DLG1: variants seen among roughly 807,000 people sequenced by gnomAD.
The protein encoded by DLG1 is discs large MAGUK scaffold protein 1.
DLG1 carries 42 observed loss-of-function variants against 123.4 expected under a neutral mutation model. That is an observed-to-expected ratio of 0.34 (90% CI 0.27 to 0.44). The LOEUF is 0.44. Ranked by LOEUF, DLG1 falls within the 20% of genes least tolerant of loss-of-function variation. The probability of loss-of-function intolerance (pLI) is 1.00; values close to 1 mark genes in which losing one functional copy is unlikely to be tolerated. For missense variants in DLG1, 942 were observed against 1,082.6 expected, an observed-to-expected ratio of 0.87 and a Z score of 1.82; for synonymous variants, 317 against 356.2, an observed-to-expected ratio of 0.89 and a Z score of 1.24.
intron 5 of DLG1, among the ~76,000 whole-genome samples, chr3:197,159,935 T>G (rs1798121625): frequency 6.6e-6 from 1 of 152,142 alleles, no homozygotes; most frequent in Non-Finnish European, 1.5e-5. Context: ...ACACTAAAAA[T>G]ATGGGCGGCT....
chr3:197,167,220 A>T (rs1453538700), intron 5 of DLG1, among the ~76,000 whole-genome samples: 2 of 152,202 alleles, frequency 1.3e-5, no homozygotes, highest in African/African-American at 4.8e-5. Context: ...TCTTACAACA[A>T]AATGCTAACT....
At chr3:197,199,113 G>A (rs1724236312) in intron 4 of DLG1, among the ~76,000 whole-genome samples, 1 of 152,144 alleles carries the variant, frequency 6.6e-6, no homozygotes, top group South Asian at 2.1e-4. Flanking sequence ...CATAGCTGGT[G>A]ATAAAATCTA....
At chr3:197,247,205 C>T (rs1752151054) in intron 4 of DLG1, among the ~76,000 whole-genome samples, 1 of 152,106 alleles carries the variant, frequency 6.6e-6, no homozygotes. Flanking sequence ...AAGGGAAGTT[C>T]TGAATATCTT....
At chr3:197,050,706 T>G (rs1726985646) in intron 24 of DLG1, among the ~76,000 whole-genome samples, 2 of 152,150 alleles carry the variant, frequency 1.3e-5, no homozygotes, top group South Asian at 4.1e-4. Context: ...GGGCACAAAC[T>G]TTCAGTTTTA....
At chr3:197,248,448 T>C (rs1185748620) in intron 4 of DLG1, among the ~76,000 whole-genome samples, 2 of 152,150 alleles carry the variant, frequency 1.3e-5, no homozygotes, top group African/African-American at 2.4e-5. Flanking sequence ...CAGAGGAGAA[T>C]GGGATCCCAG....
intron 11 of DLG1, among the ~76,000 whole-genome samples, chr3:197,125,143 G>A (rs1299643157): frequency 2.0e-5 from 3 of 152,096 alleles, no homozygotes; most frequent in African/African-American, 4.8e-5. Flanking sequence ...ATTCTCTTCT[G>A]GGTGCTTATA....
intron 2 of DLG1, chr3:197,296,953 T>TGGA (rs1777678151): frequency 7.9e-6 from 4 of 505,170 alleles, no homozygotes; most frequent in East Asian, 4.0e-5. Context: ...GGACATCTGT[T>TGGA]GGGGGGGGGC....
Position 197,085,726 on chromosome 3 carries a change from G to A in DLG1, c.1692C>T (p.Asp564=), listed in dbSNP as rs145976473. 3.2e-5 allele frequency: 52 copies of A among 1,613,442 alleles called. No homozygotes were observed. In the African/African-American group the frequency reaches 5.8e-4, roughly 18 times the overall value. Residue 564 remains aspartate, a synonymous_variant, in exon 16 of 25, where the codon GAC becomes GAT. Coordinates refer to ENST00000667157, the MANE Select transcript of DLG1 (RefSeq NM_001366207.1). ...TCAGTCCCTGACTGGGAAGCCCACTGTCTTTAGTCTTGTCATAATCAAAAA... is the reference window on the plus strand; with the variant it reads ...TCAGTCCCTGACTGGGAAGCCCACTATCTTTAGTCTTGTCATAATCAAAAA... ...RALFDYDKTK[D]SGLPSQGLNF... is the part of the protein sequence containing the mutation.
chr3:197,169,403 C>T (rs1802974123), intron 5 of DLG1, among the ~76,000 whole-genome samples: 1 of 152,038 alleles, frequency 6.6e-6, no homozygotes, highest in Non-Finnish European at 1.5e-5. Flanking sequence ...TGGTAATGGA[C>T]ATATGAGCAG....
At chr3:197,279,884 G>A (rs1768349666) in intron 4 of DLG1, among the ~76,000 whole-genome samples, 1 of 152,150 alleles carries the variant, frequency 6.6e-6, no homozygotes, top group African/African-American at 2.4e-5. Context: ...ATAATGGTAT[G>A]TATTTATAGG....
intron 4 of DLG1, among the ~76,000 whole-genome samples, chr3:197,234,870 A>G (rs1013096183): frequency 1.3e-5 from 2 of 152,178 alleles, no homozygotes; most frequent in African/African-American, 4.8e-5. Context: ...AAGTCACGTC[A>G]AAAGTTATGT....
intron 5 of DLG1, among the ~76,000 whole-genome samples, chr3:197,188,074 T>C (rs1717148549): frequency 6.6e-6 from 1 of 152,188 alleles, no homozygotes; most frequent in African/African-American, 2.4e-5. Context: ...AATAGATTAA[T>C]TCACGGCATG....
intron 23 of DLG1, among the ~76,000 whole-genome samples, chr3:197,055,229 G>A (rs562179091): frequency 2.0e-5 from 3 of 152,312 alleles, no homozygotes; most frequent in African/African-American, 7.2e-5. Context: ...AGGATTATAG[G>A]CATGAGCCAC....
Position 197,204,759 on chromosome 3 carries a change from A to G in DLG1, c.319-10170T>C, listed in dbSNP as rs185849751. 1.2e-4 allele frequency among the ~76,000 whole-genome samples: 19 copies of G among 152,340 alleles called. No homozygotes were observed. The East Asian group carries it at 3.7e-3, about 29-fold the overall frequency. On this transcript the variant is annotated intron_variant, in intron 4 of 24. Transcript: ENST00000667157. ...ATTATAAGTAATTCAGAGATGATTT[A>G]AAATACAGGAGGATGTGCACGGGTT...
intron 11 of DLG1, among the ~76,000 whole-genome samples, chr3:197,126,388 A>G (rs1427279950): frequency 6.6e-6 from 1 of 152,050 alleles, no homozygotes; most frequent in Non-Finnish European, 1.5e-5. Context: ...AATGGCTTGA[A>G]TCTGGGAGGC....
intron 4 of DLG1, among the ~76,000 whole-genome samples, chr3:197,246,875 C>T (rs1751973731): frequency 6.6e-6 from 1 of 152,142 alleles, no homozygotes; most frequent in Non-Finnish European, 1.5e-5. Flanking sequence ...ATTTGGTCTG[C>T]TGCAGGAATG....
intron 13 of DLG1, among the ~76,000 whole-genome samples, chr3:197,109,815 G>T (rs1472196836): frequency 6.6e-6 from 1 of 152,102 alleles, no homozygotes; most frequent in Non-Finnish European, 1.5e-5. Context: ...TTTTGAATTT[G>T]TTATTTCACT....
intron 10 of DLG1, 85 bp from the exon 11 acceptor site, chr3:197,130,756 TAA>T (rs1782068533): frequency 8.7e-7 from 1 of 1,147,098 alleles, no homozygotes; most frequent in Admixed American, 2.2e-5. Context: ...AAAGGGAAAA[TAA>T]GAGAGTGGTT....
chr3:197,051,330 G>A (rs1255874139), intron 24 of DLG1, among the ~76,000 whole-genome samples: 1 of 149,756 alleles, frequency 6.7e-6, no homozygotes, highest in Non-Finnish European at 1.5e-5. Flanking sequence ...GGCTGAGGCA[G>A]GAGAATCGCT....
Sources: gnomAD v4.1 joint callset for allele counts (sites outside exome capture counted in the v4.1 genomes callset) on GRCh38, gnomAD v4.1.1 for gene constraint, MANE v1.5 for transcripts, NCBI Gene and HGNC (gene_info 2026-07-23, HGNC 2026-07-21) for gene names.